GLIS3: variants seen among roughly 807,000 people sequenced by gnomAD.
GLIS3 encodes the protein zinc finger protein GLIS3.
Under a neutral mutation model 78.6 loss-of-function variants are expected in GLIS3, and 53 were observed. That is an observed-to-expected ratio of 0.67 (90% CI 0.54 to 0.85). The LOEUF (loss-of-function observed/expected upper bound fraction) is 0.85, where lower values mean the gene tolerates loss of function less well. Among genes scored for constraint, GLIS3 ranks in the 40% least tolerant of loss-of-function variants. The pLI is 0.00. For synonymous variants in GLIS3, 684 were observed against 509.9 expected (o/e 1.34, Z -4.60); for missense variants, 1,703 against 1,231.1 (o/e 1.38, Z -5.74).
chr9:4,139,230 G>A (rs896815132), intron 2 of GLIS3, among the ~76,000 whole-genome samples: 4 of 152,202 alleles, frequency 2.6e-5, no homozygotes, highest in South Asian at 2.1e-4. Flanking sequence ...AGCAGAGGCT[G>A]GGTGAGAAAT....
At chr9:4,146,820 G>C (rs997386067) in intron 2 of GLIS3, among the ~76,000 whole-genome samples, 2 of 152,154 alleles carry the variant, frequency 1.3e-5, no homozygotes, top group African/African-American at 4.8e-5. Flanking sequence ...ACAGCAAAGA[G>C]GAAGGATGCT....
intron 2 of GLIS3, among the ~76,000 whole-genome samples, chr9:4,210,618 A>C (rs1004018892): frequency 1.3e-5 from 2 of 152,184 alleles, no homozygotes; most frequent in Non-Finnish European, 2.9e-5. Context: ...AATGCAGAAA[A>C]CTTAAGTCTT....
the GLIS3 span, among the ~76,000 whole-genome samples, chr9:4,417,051 T>C: frequency 6.6e-6 from 1 of 152,172 alleles, no homozygotes; most frequent in African/African-American, 2.4e-5. Flanking sequence ...TGCATTTTTG[T>C]AAAACGTCAC....
chr9:4,265,121 G>C (rs1354822217), intron 2 of GLIS3, among the ~76,000 whole-genome samples: 2 of 147,234 alleles, frequency 1.4e-5, no homozygotes, highest in African/African-American at 2.5e-5. Flanking sequence ...GCAGTGAGCC[G>C]AGATCACGCC....
intron 4 of GLIS3, among the ~76,000 whole-genome samples, chr9:4,063,380 A>C (rs1256278733): frequency 6.6e-6 from 1 of 152,220 alleles, no homozygotes; most frequent in East Asian, 1.9e-4. Context: ...GGAAAGCATA[A>C]CAAGATTGAA....
chr9:4,072,417 A>G (rs1371298260), intron 4 of GLIS3, among the ~76,000 whole-genome samples: 3 of 152,318 alleles, frequency 2.0e-5, no homozygotes, highest in African/African-American at 7.2e-5. Flanking sequence ...GTACAGTCTC[A>G]TGGCAGGTCA....
At chr9:4,340,636 G>C (rs1359759375) in intron 2 of GLIS3, among the ~76,000 whole-genome samples, 2 of 152,082 alleles carry the variant, frequency 1.3e-5, no homozygotes, top group Non-Finnish European at 2.9e-5. Flanking sequence ...TAACCACCAT[G>C]GACACTTGAA....
At chr9:4,195,199 C>T (rs909395070) in intron 2 of GLIS3, among the ~76,000 whole-genome samples, 2 of 152,244 alleles carry the variant, frequency 1.3e-5, no homozygotes, top group African/African-American at 4.8e-5. Context: ...GCTCTGGCCA[C>T]GCTTGAGGAG....
At chr9:4,448,973 A>G in the GLIS3 span, among the ~76,000 whole-genome samples, 1 of 152,158 alleles carries the variant, frequency 6.6e-6, no homozygotes, top group Non-Finnish European at 1.5e-5. Flanking sequence ...CTGTTTGGAC[A>G]GTGGGTGCAG....
chr9:4,487,530 G>A, the GLIS3 span, among the ~76,000 whole-genome samples: 6 of 151,882 alleles, frequency 4.0e-5, no homozygotes, highest in East Asian at 3.9e-4. Context: ...ACTTTACCCC[G>A]AGAACCCTAG....
At chr9:4,199,153 A>G (rs1414042022) in intron 2 of GLIS3, among the ~76,000 whole-genome samples, 1 of 152,172 alleles carries the variant, frequency 6.6e-6, no homozygotes, top group Non-Finnish European at 1.5e-5. Context: ...CAATCACCCA[A>G]TAGAAACTAC....
intron 2 of GLIS3, among the ~76,000 whole-genome samples, chr9:4,136,629 G>A (rs1833427478): frequency 6.6e-6 from 1 of 152,106 alleles, no homozygotes; most frequent in Non-Finnish European, 1.5e-5. Flanking sequence ...AAAAGAATAA[G>A]CTAAAACATG....
chr9:4,119,286 G>T (rs896471060), intron 3 of GLIS3, among the ~76,000 whole-genome samples: 1 of 152,202 alleles, frequency 6.6e-6, no homozygotes, highest in Non-Finnish European at 1.5e-5. Flanking sequence ...ACTATGTGCA[G>T]CATGTTATGA....
At chr9:4,272,623 A>G (rs1354971671) in intron 2 of GLIS3, among the ~76,000 whole-genome samples, 1 of 152,176 alleles carries the variant, frequency 6.6e-6, no homozygotes, top group Non-Finnish European at 1.5e-5. Context: ...ATGCTACATA[A>G]TTGCTAGCTG....
intron 4 of GLIS3, among the ~76,000 whole-genome samples, chr9:4,117,027 A>C (rs1831702613): frequency 6.6e-6 from 1 of 152,144 alleles, no homozygotes; most frequent in Non-Finnish European, 1.5e-5. Flanking sequence ...CAAGAAACAG[A>C]GAGAGTTCCA....
chr9:4,188,310 G>A lies in GLIS3; in HGVS notation c.389-62369C>T, dbSNP rs1486901865. Among the ~76,000 whole-genome samples the A allele has an allele frequency of 4.7e-5, 7 of 149,166 alleles. No homozygotes were observed. The South Asian group carries it at 6.6e-4, about 14-fold the overall frequency. ...TGCTGGATTACATTTATTGATTTGT[G>A]TATATTGAACCAGCCTTGCATCCCA... is the stretch of plus-strand genomic sequence containing the variant. On this transcript the variant is annotated intron_variant, in intron 2 of 10. Coordinates refer to ENST00000381971, the MANE Select transcript of GLIS3 (RefSeq NM_001042413.2).
intron 4 of GLIS3, among the ~76,000 whole-genome samples, chr9:4,064,680 G>C (rs1169387944): frequency 6.6e-6 from 1 of 152,158 alleles, no homozygotes; most frequent in Non-Finnish European, 1.5e-5. Flanking sequence ...TGTAATCCCA[G>C]CTACTTGGAA....
chr9:4,264,845 A>C (rs920123978), intron 2 of GLIS3, among the ~76,000 whole-genome samples: 1 of 152,140 alleles, frequency 6.6e-6, no homozygotes, highest in African/African-American at 2.4e-5. Flanking sequence ...TCACACAGCA[A>C]GCTGTGGACT....
At chr9:4,388,186 T>C in the GLIS3 span, among the ~76,000 whole-genome samples, 1 of 152,184 alleles carries the variant, frequency 6.6e-6, no homozygotes, top group African/African-American at 2.4e-5. Context: ...TACCCATAAG[T>C]GCACATAACA....
Sources: gnomAD v4.1 joint callset for allele counts (sites outside exome capture counted in the v4.1 genomes callset) on GRCh38, gnomAD v4.1.1 for gene constraint, MANE v1.5 for transcripts, NCBI Gene and HGNC (gene_info 2026-07-23, HGNC 2026-07-21) for gene names.